Variants in PCP2 observed in about 807,000 individuals in gnomAD.
PCP2 encodes the protein Purkinje cell protein 2.
PCP2 carries 21 observed loss-of-function variants against 18.3 expected under a neutral mutation model. The ratio of observed to expected loss-of-function variants is 1.14; its 90% CI spans 0.81 to 1.65. The LOEUF (loss-of-function observed/expected upper bound fraction) is 1.65. PCP2 is among the 40% of genes most tolerant of loss of function. The pLI, the probability that PCP2 is intolerant of heterozygous loss-of-function variation, is 0.00. For synonymous variants in PCP2, 85 were observed against 77.6 expected, an observed-to-expected ratio of 1.10 and a Z score of -0.50; for missense variants, 202 against 201.8, an observed-to-expected ratio of 1.00 and a Z score of 0.00.
rs1379028819 is a variant in PCP2 at position 7,632,445 on chromosome 19, T to G, written c.239A>C (p.Asp80Ala). 1 of 1,613,792 alleles carries G rather than the reference T, an allele frequency of 6.2e-7. No homozygotes were observed. Among genetic ancestry groups the G allele is most frequent in the Non-Finnish European group, 8.5e-7 (1 of 1,179,940 alleles). Residue 80 changes from aspartate to alanine, a missense_variant, in exon 3 of 4, where the codon GAC becomes GCC. Transcript: ENST00000311069. This position sits in a 1 kb window ranked among gnomAD's most constrained non-coding sequence, Gnocchi z 5.2. ...LASTQGRRMDDQRVTVSSLPG... is the reference protein window; with the variant it reads ...LASTQGRRMDAQRVTVSSLPG... ...CAGGCTGCTGACTGTCACACGTTGG[T>G]CATCCATGCGGCGGCCCTGGGTACT...
At chr19:7,635,846 A>G (rs1157914934), upstream of PCP2, among the ~76,000 whole-genome samples, 1 of 152,114 alleles carries the variant, frequency 6.6e-6, no homozygotes, top group Admixed American at 6.5e-5. Context: ...TTAGCACTGA[A>G]AGTCCTGCAT....
Position 7,632,364 on chromosome 19 carries a change from C to T in PCP2, c.291+29G>A. 1.2e-6 allele frequency: 2 copies of T among 1,612,732 alleles called. No individual in the cohort carries two copies. The highest frequency in any genetic ancestry group is 1.7e-6 in the Non-Finnish European group (2 of 1,179,600). On this transcript the variant is annotated intron_variant, in intron 3 of 3. Coordinates refer to ENST00000311069, the MANE Select transcript of PCP2 (RefSeq NM_174895.3). This position sits in a 1 kb window ranked among gnomAD's most constrained non-coding sequence, Gnocchi z 5.2. ...TCGGAGAGCACTGCCTGGCGGGTTT[C>T]TCCTCGACATCGCCAGAACATCACC...
At position 7,632,774 on chromosome 19, in the gene PCP2, G is replaced by T. The variant is rs1568459184; in HGVS notation, c.108C>A (p.Asp36Glu). The stretch of plus-strand genomic sequence containing the variant: ...GTGAACAGCGCTGTCCCTCCATCCG[G>T]TCGCCCTGCACGTGGCTCAGCAGAT... ...FFNLLSHVQG[D>E]RMEGQRCSLQ... Residue 36 changes from aspartate to glutamate, a missense_variant, in exon 2 of 4, where the codon GAC becomes GAA. Physicochemically the swap from Asp to Glu is conservative, Grantham distance 45 (BLOSUM62 2). Transcript: ENST00000311069. The surrounding 1 kb of genome is among the most constrained non-coding windows in gnomAD (Gnocchi z 5.2). 1 of 1,567,994 alleles carries T rather than the reference G, an allele frequency of 6.4e-7. No homozygotes were observed.
chr19:7,632,472 G>A lies in PCP2; in HGVS notation c.212C>T (p.Ala71Val). 1 of 1,613,838 alleles carries A rather than the reference G, an allele frequency of 6.2e-7. No individual in the cohort carries two copies. Reference protein sequence around the residue: ...PEMDSLMDMLASTQGRRMDDQ... With the variant: ...PEMDSLMDMLVSTQGRRMDDQ... ...ATCCATGCGGCGGCCCTGGGTACTG[G>A]CCAGCATGTCCATGAGGCTGTCCAT... Residue 71 changes from alanine to valine, a missense_variant, in exon 3 of 4, where the codon GCC becomes GTC. Physicochemically the swap from Ala to Val is moderately conservative, Grantham distance 64. Coordinates refer to ENST00000311069, the MANE Select transcript of PCP2 (RefSeq NM_174895.3). This position sits in a 1 kb window ranked among gnomAD's most constrained non-coding sequence, Gnocchi z 5.2.
Position 7,632,434 on chromosome 19 carries a change from TCA to T in PCP2, c.248_249del (p.Val83AspfsTer57), listed in dbSNP as rs762712948. On this transcript the variant is annotated frameshift_variant, in exon 3 of 4. Coordinates refer to ENST00000311069, the MANE Select transcript of PCP2 (RefSeq NM_174895.3). LOFTEE classifies it high-confidence loss of function. This position sits in a 1 kb window ranked among gnomAD's most constrained non-coding sequence, Gnocchi z 5.2. ...TQGRRMDDQRVTVSSLPGFQP... is the reference protein window; with the variant it reads ...TQGRRMDDQRXTVSSLPGFQP... The stretch of plus-strand genomic sequence containing the variant: ...TGGAAGCCGGGCAGGCTGCTGACTG[TCA>T]CACGTTGGTCATCCATGCGGCGGCC... 11 of 1,613,674 alleles carry T rather than the reference TCA, an allele frequency of 6.8e-6. No individual in the cohort carries two copies. In the South Asian group the frequency reaches 1.2e-4, roughly 18 times the overall value.
In PCP2 at chr19:7,632,339, T is replaced by G; in HGVS notation, c.291+54A>C. 4 of 1,605,218 alleles carry G rather than the reference T, an allele frequency of 2.5e-6. No homozygotes were observed. Among genetic ancestry groups the G allele is most frequent in the Non-Finnish European group, 3.4e-6 (4 of 1,176,182 alleles). ...CTCCTGGCTGGGGTGGAGGGCAGGA[T>G]CGGAGAGCACTGCCTGGCGGGTTTC... On this transcript the variant is annotated intron_variant, in intron 3 of 3. Transcript: ENST00000311069. This position sits in a 1 kb window ranked among gnomAD's most constrained non-coding sequence, Gnocchi z 5.2.
At position 7,632,348 on chromosome 19, in the gene PCP2, A is replaced by C. The variant is rs115291553; in HGVS notation, c.291+45T>G. 1.5e-3 allele frequency: 2,470 copies of C among 1,610,108 alleles called. 30 individuals carry two copies. The African/African-American group carries it at 0.028, about 18-fold the overall frequency. ...GGGGTGGAGGGCAGGATCGGAGAGC[A>C]CTGCCTGGCGGGTTTCTCCTCGACA... On this transcript the variant is annotated intron_variant, in intron 3 of 3. Coordinates refer to ENST00000311069, the MANE Select transcript of PCP2 (RefSeq NM_174895.3). The surrounding 1 kb of genome is among the most constrained non-coding windows in gnomAD (Gnocchi z 5.2).
chr19:7,632,426 GCTGA>G lies in PCP2; in HGVS notation c.254_257del (p.Val85AlafsTer66). The G allele has an allele frequency of 1.2e-6, 2 of 1,613,918 alleles. No individual in the cohort carries two copies. The highest frequency in any genetic ancestry group is 8.5e-7 in the Non-Finnish European group (1 of 1,179,952). ...CCACGGGCTGGAAGCCGGGCAGGCT[GCTGA>G]CTGTCACACGTTGGTCATCCATGCG... is the stretch of plus-strand genomic sequence containing the variant. On this transcript the variant is annotated frameshift_variant, in exon 3 of 4. Coordinates refer to ENST00000311069, the MANE Select transcript of PCP2 (RefSeq NM_174895.3). LOFTEE classifies it high-confidence loss of function. This position sits in a 1 kb window ranked among gnomAD's most constrained non-coding sequence, Gnocchi z 5.2.
rs2031337711 is a variant in PCP2 at position 7,632,098 on chromosome 19, T to C, written c.292-290A>G. On this transcript the variant is annotated intron_variant, in intron 3 of 3. Transcript: ENST00000311069. This position sits in a 1 kb window ranked among gnomAD's most constrained non-coding sequence, Gnocchi z 5.2. ...CTATGTGTGAGCTTACGTGACTTCC[T>C]CCCTGGGATACTTTCCTAGGAAGGG... The C allele has an allele frequency of 1.8e-6, 1 of 561,298 alleles. No individual in the cohort carries two copies. Among genetic ancestry groups the C allele is most frequent in the Admixed American group, 3.3e-5 (1 of 30,414 alleles). The allele number at this position is 561,298 out of a possible 1,614,324, so 34.8% of individuals were successfully genotyped here.
rs556684470 is a variant in PCP2, at chr19:7,632,395, T to C, written c.289A>G (p.Lys97Glu). 2.3e-4 allele frequency: 371 copies of C among 1,613,854 alleles called. 3 individuals carry two copies. In the South Asian group the frequency reaches 3.3e-3, roughly 14 times the overall value. The change falls in exon 3 of 4, where the codon AAG becomes GAG. Residue 97 changes from lysine (K) to glutamate (E), a missense_variant and splice_region_variant. Lys to Glu is a moderately conservative substitution (Grantham distance 56). Coordinates refer to ENST00000311069, the MANE Select transcript of PCP2 (RefSeq NM_174895.3). The surrounding 1 kb of genome is among the most constrained non-coding windows in gnomAD (Gnocchi z 5.2). Reference sequence around the variant, plus strand: ...GACATCGCCAGAACATCACCTACCTTGGACCCCACGGGCTGGAAGCCGGGC... The same window carrying C: ...GACATCGCCAGAACATCACCTACCTCGGACCCCACGGGCTGGAAGCCGGGC... ...SLPGFQPVGS[K>E]DGAQKRAGTL...
chr19:7,635,137 GCT>G (rs2031475844), upstream of PCP2, among the ~76,000 whole-genome samples: 1 of 152,170 alleles, frequency 6.6e-6, no homozygotes, highest in East Asian at 1.9e-4. Context: ...GGCCCTAACA[GCT>G]CTCTGTCCCC....
chr19:7,631,895 G>A (rs1257670581), intron 3 of PCP2, 87 bp from the exon 4 acceptor site: 2 of 1,271,932 alleles, frequency 1.6e-6, no homozygotes, highest in Non-Finnish European at 2.1e-6. Context: ...GGTGCAGGTA[G>A]CCACCGTGTC....
At chr19:7,635,535 A>T (rs995544834), upstream of PCP2, among the ~76,000 whole-genome samples, 1 of 151,798 alleles carries the variant, frequency 6.6e-6, no homozygotes, top group Admixed American at 6.6e-5. Context: ...TCTCTTAACA[A>T]CAACAACAAA....
chr19:7,634,652 G>A (rs1441999764), upstream of PCP2, among the ~76,000 whole-genome samples: 5 of 152,220 alleles, frequency 3.3e-5, no homozygotes, highest in South Asian at 2.1e-4. Context: ...TTACAGGCAT[G>A]AGCCACCATG....
rs766630092 is a variant in PCP2 at position 7,631,737 on chromosome 19, G to C, written c.363C>G (p.Leu121=). The C allele has an allele frequency of 6.9e-7, 1 of 1,447,818 alleles. No homozygotes were observed. The highest frequency in any genetic ancestry group is 9.1e-7 in the Non-Finnish European group (1 of 1,098,232). The allele number at this position is 1,447,818 out of a possible 1,614,324, so 89.7% of individuals were successfully genotyped here. A position where few individuals can be genotyped will look rare whatever the true frequency, so the allele number is the denominator to read the frequency against. The change falls in exon 4 of 4, where the codon CTC becomes CTG. Residue 121 remains leucine (L), a synonymous_variant. Coordinates refer to ENST00000311069, the MANE Select transcript of PCP2 (RefSeq NM_174895.3). Reference sequence around the variant, plus strand: ...GGGGGCTGCTGTTCCGACGGAAGCCGAGAGCGGTCGGGTCCTGAGGGGTGA... The same window carrying C: ...GGGGGCTGCTGTTCCGACGGAAGCCCAGAGCGGTCGGGTCCTGAGGGGTGA... ...PLLTPQDPTA[L]GFRRNSSPQP...
Position 7,631,675 on chromosome 19 carries a change from G to T in PCP2, c.*14C>A. On this transcript the variant is annotated 3_prime_UTR_variant, in exon 4 of 4. Coordinates refer to ENST00000311069, the MANE Select transcript of PCP2 (RefSeq NM_174895.3). ...TTTTTGGGGGCCGAGTGAGACCCAG[G>T]ATGCCTCAGGCCCTCAGGGGGCTTG... is the stretch of plus-strand genomic sequence containing the variant. The T allele has an allele frequency of 6.8e-7, 1 of 1,470,552 alleles. No individual in the cohort carries two copies. The highest frequency in any genetic ancestry group is 2.5e-5 in the East Asian group (1 of 39,316). 91.1% of individuals were successfully genotyped at this position (1,470,552 alleles called of 1,614,324 possible).
Position 7,633,677 on chromosome 19 carries a change from G to A in PCP2, c.-220C>T. The A allele has an allele frequency of 1.7e-6, 1 of 586,830 alleles. No individual in the cohort carries two copies. Among genetic ancestry groups the A allele is most frequent in the South Asian group, 2.1e-5 (1 of 47,678 alleles). 36.4% of individuals were successfully genotyped at this position (586,830 alleles called of 1,614,324 possible). A position where few individuals can be genotyped will look rare whatever the true frequency, so the allele number is the denominator to read the frequency against. On this transcript the variant is annotated 5_prime_UTR_variant, in exon 1 of 4. Transcript: ENST00000311069. ...ATCTGGCATGGTGGGTAGGGGGCAG[G>A]GCGACCTGAGCTTGGACCTCGCTGT...
At chr19:7,631,968 G>C (rs1053027325) in intron 3 of PCP2, 160 bp from the exon 4 acceptor site, 13 of 726,900 alleles carry the variant, frequency 1.8e-5, no homozygotes, top group Non-Finnish European at 2.4e-5. Flanking sequence ...GGTGGCATTT[G>C]AGTGTGAGGT....
At chr19:7,636,545 G>C (rs534622557), upstream of PCP2, 6 of 149,796 alleles carry the variant, frequency 4.0e-5, no homozygotes, top group African/African-American at 1.5e-4. Flanking sequence ...ACTCGTCGTG[G>C]CCTTGGATTA....
Sources: gnomAD v4.1 joint callset for allele counts (sites outside exome capture counted in the v4.1 genomes callset) on GRCh38, gnomAD v4.1.1 for gene constraint, Gnocchi (gnomAD v3.1) non-coding constraint, MANE v1.5 for transcripts, NCBI Gene and HGNC (gene_info 2026-07-23, HGNC 2026-07-21) for gene names.